SYN3: variants seen among roughly 807,000 people sequenced by gnomAD.
SYN3 encodes the protein synapsin III.
Under a neutral mutation model 65.8 loss-of-function variants are expected in SYN3, and 35 were observed. The ratio of observed to expected loss-of-function variants is 0.53; its 90% CI spans 0.41 to 0.70. SYN3 has a LOEUF of 0.70. Among genes scored for constraint, SYN3 ranks in the 30% least tolerant of loss-of-function variants. The pLI, the probability that SYN3 is intolerant of heterozygous loss-of-function variation, is 0.00. For missense variants in SYN3, 680 were observed against 749.0 expected (o/e 0.91, Z 1.08); for synonymous variants, 270 against 292.9 (o/e 0.92, Z 0.80).
intron 7 of SYN3, among the ~76,000 whole-genome samples, chr22:32,586,264 C>T (rs2059040897): frequency 6.6e-6 from 1 of 151,912 alleles, no homozygotes; most frequent in South Asian, 2.1e-4. Context: ...GAATACTGAC[C>T]CATTGCTCCT....
chr22:32,982,444 C>T (rs2052398966), intron 2 of SYN3, among the ~76,000 whole-genome samples: 1 of 152,170 alleles, frequency 6.6e-6, no homozygotes, highest in African/African-American at 2.4e-5. Context: ...TAGACATCAT[C>T]CCTACACTCA....
intron 6 of SYN3, among the ~76,000 whole-genome samples, chr22:32,827,246 C>G (rs1388817100): frequency 6.6e-6 from 1 of 152,172 alleles, no homozygotes; most frequent in Non-Finnish European, 1.5e-5. Context: ...TTAGCTTACC[C>G]CTGTCTGGCA....
chr22:32,587,821 C>T (rs551815597), intron 7 of SYN3, among the ~76,000 whole-genome samples: 2 of 152,198 alleles, frequency 1.3e-5, no homozygotes, highest in South Asian at 4.2e-4. Context: ...AGAGGTTTCC[C>T]AACCTGTCAT....
At chr22:32,799,129 A>T (rs2145915644) in intron 6 of SYN3, among the ~76,000 whole-genome samples, 1 of 152,132 alleles carries the variant, frequency 6.6e-6, no homozygotes, top group Non-Finnish European at 1.5e-5. Context: ...GAAGGGGGTG[A>T]CCCTAGCAGG....
At chr22:32,758,568 G>A (rs567840391) in intron 6 of SYN3, among the ~76,000 whole-genome samples, 271 of 148,950 alleles carry the variant, frequency 1.8e-3, no homozygotes, top group African/African-American at 6.4e-3. Flanking sequence ...CTCAAACGTC[G>A]GACTCTAAGT....
chr22:32,565,453 A>C (rs1003366248), intron 7 of SYN3, among the ~76,000 whole-genome samples: 1 of 151,638 alleles, frequency 6.6e-6, no homozygotes, highest in Non-Finnish European at 1.5e-5. Flanking sequence ...ACACATATAC[A>C]TATAAAATAG....
At chr22:32,893,614 G>C (rs1268023006) in intron 4 of SYN3, among the ~76,000 whole-genome samples, 1 of 152,082 alleles carries the variant, frequency 6.6e-6, no homozygotes, top group East Asian at 1.9e-4. Context: ...TCCACGTGTG[G>C]GGAAGGAGCA....
chr22:32,974,386 T>C (rs1274354872), intron 3 of SYN3, among the ~76,000 whole-genome samples: 1 of 152,208 alleles, frequency 6.6e-6, no homozygotes, highest in Non-Finnish European at 1.5e-5. Flanking sequence ...CTTTATCTCA[T>C]AAGGACTCAA....
intron 6 of SYN3, among the ~76,000 whole-genome samples, chr22:32,697,611 A>AATTCCCCAT (rs939357880): frequency 2.0e-5 from 3 of 152,194 alleles, no homozygotes; most frequent in African/African-American, 7.2e-5. Context: ...AAATTCCCCA[A>AATTCCCCAT]ATCCCATGTC....
intron 1 of SYN3, among the ~76,000 whole-genome samples, chr22:33,035,041 A>G (rs1156470225): frequency 6.6e-6 from 1 of 152,090 alleles, no homozygotes; most frequent in Non-Finnish European, 1.5e-5. Flanking sequence ...GCTCAGTGGC[A>G]AGTATGGGGA....
intron 6 of SYN3, among the ~76,000 whole-genome samples, chr22:32,662,059 C>T (rs1462666615): frequency 6.6e-6 from 1 of 152,158 alleles, no homozygotes; most frequent in Non-Finnish European, 1.5e-5. Context: ...CTGTTTTACC[C>T]GGAGTCATCT....
At chr22:32,697,963 G>T (rs1431204537) in intron 6 of SYN3, among the ~76,000 whole-genome samples, 2 of 152,118 alleles carry the variant, frequency 1.3e-5, no homozygotes, top group Non-Finnish European at 2.9e-5. Flanking sequence ...GAGATGCCCA[G>T]TCCCCCGGGC....
At chr22:32,548,329 A>G (rs1227204591) in intron 7 of SYN3, among the ~76,000 whole-genome samples, 2 of 152,222 alleles carry the variant, frequency 1.3e-5, no homozygotes, top group African/African-American at 2.4e-5. Context: ...TGCTGGGATT[A>G]CTGGCTGAGC....
At chr22:33,047,628 T>A (rs896308209) in intron 1 of SYN3, among the ~76,000 whole-genome samples, 5 of 152,034 alleles carry the variant, frequency 3.3e-5, no homozygotes, top group Admixed American at 2.0e-4. Context: ...TGGGGTTTCC[T>A]GAGGGCTTGC....
chr22:32,589,123 C>T (rs555163197), intron 7 of SYN3, among the ~76,000 whole-genome samples: 25 of 152,322 alleles, frequency 1.6e-4, no homozygotes, highest in East Asian at 3.9e-4. Flanking sequence ...GGAGGAGTCA[C>T]GGAGCTGTAA....
intron 7 of SYN3, among the ~76,000 whole-genome samples, chr22:32,586,859 A>T (rs2059051611): frequency 6.6e-6 from 1 of 152,192 alleles, no homozygotes; most frequent in South Asian, 2.1e-4. Flanking sequence ...AAGGGAGCAC[A>T]GTGCCTAAAG....
chr22:33,047,162 A>G (rs2054080642), intron 1 of SYN3, among the ~76,000 whole-genome samples: 1 of 152,150 alleles, frequency 6.6e-6, no homozygotes, highest in South Asian at 2.1e-4. Flanking sequence ...GGCACTCATT[A>G]CTAAGTGGCA....
At chr22:32,987,771 A>C (rs2145693674) in intron 2 of SYN3, among the ~76,000 whole-genome samples, 1 of 152,238 alleles carries the variant, frequency 6.6e-6, no homozygotes, top group African/African-American at 2.4e-5. Flanking sequence ...TCATTCAATC[A>C]CTATTTATTG....
intron 6 of SYN3, among the ~76,000 whole-genome samples, chr22:32,606,229 C>G (rs1047626179): frequency 6.6e-6 from 1 of 152,144 alleles, no homozygotes; most frequent in Non-Finnish European, 1.5e-5. Context: ...GGGAAGGAAG[C>G]CTGAGGCCCA....
Sources: allele counts gnomAD v4.1 joint callset (sites outside exome capture counted in the v4.1 genomes callset), GRCh38; gene constraint gnomAD v4.1.1; transcripts MANE v1.5; gene names NCBI Gene and HGNC (gene_info 2026-07-23, HGNC 2026-07-21).